The following SETBP1 variants were observed in gnomAD, a reference collection of about 807,000 sequenced individuals.
The protein encoded by SETBP1 is SET-binding protein.
A neutral mutation model predicts 101.0 loss-of-function variants in SETBP1; 9 were observed. The ratio of observed to expected loss-of-function variants is 0.09; its 90% CI spans 0.05 to 0.16. The LOEUF (loss-of-function observed/expected upper bound fraction) is 0.16. SETBP1 is among the 10% of genes least tolerant of loss of function. The pLI, the probability that SETBP1 is intolerant of heterozygous loss-of-function variation, is 1.00. For synonymous variants in SETBP1, 818 were observed against 788.5 expected (o/e 1.04, Z -0.63); for missense variants, 1,858 against 2,033.8 (o/e 0.91, Z 1.66).
chr18:44,837,630 C>T lies in SETBP1; in HGVS notation c.487-31600C>T, dbSNP rs2072525731. Among the ~76,000 whole-genome samples, 5 of 152,240 alleles carry T rather than the reference C, an allele frequency of 3.3e-5. 1 individual carries two copies. The South Asian group carries it at 6.2e-4, about 19-fold the overall frequency. On this transcript the variant is annotated intron_variant, in intron 2 of 5. Coordinates refer to ENST00000649279, the MANE Select transcript of SETBP1 (RefSeq NM_015559.3). ...ACTGGAAAATGCAGGTGTTTTGCCT[C>T]AGCCTAAGAGGCGATGCGGTCCATT...
chr18:44,895,481 G>C (rs1186274209), intron 3 of SETBP1, among the ~76,000 whole-genome samples: 1 of 152,072 alleles, frequency 6.6e-6, no homozygotes, highest in African/African-American at 2.4e-5. Flanking sequence ...TAGTCAAGTG[G>C]TATTCAGTCT....
rs866884944 is a variant in SETBP1 at position 44,684,707 on chromosome 18, C to T, written c.-173+3686C>T. 4.6e-5 allele frequency among the ~76,000 whole-genome samples: 7 copies of T among 151,440 alleles called. 1 individual carries two copies. The Middle Eastern group carries it at 0.021, about 451-fold the overall frequency. On this transcript the variant is annotated intron_variant, in intron 1 of 5. Coordinates refer to ENST00000649279, the MANE Select transcript of SETBP1 (RefSeq NM_015559.3). ...TGTTGCCCAGGCTGGAGTGCAGTGG[C>T]GTGATCTTGGCTCACTGCAACCTCT...
In SETBP1 at chr18:44,999,043, T is replaced by G. The variant is rs117782434; in HGVS notation, c.4001-39442T>G. On this transcript the variant is annotated intron_variant, in intron 4 of 5. Coordinates refer to ENST00000649279, the MANE Select transcript of SETBP1 (RefSeq NM_015559.3). The stretch of plus-strand genomic sequence containing the variant: ...AACAGAAAACAATCCTGATCATCCT[T>G]CTGGCCTCAACTAATGCCTCATTCT... 3.8e-3 allele frequency among the ~76,000 whole-genome samples: 576 copies of G among 152,336 alleles called. 6 individuals are homozygous for G. Among genetic ancestry groups the G allele is most frequent in the Non-Finnish European group, 4.9e-3 (336 of 68,018 alleles).
At chr18:45,027,680 G>T (rs1028524812) in intron 4 of SETBP1, among the ~76,000 whole-genome samples, 5 of 152,140 alleles carry the variant, frequency 3.3e-5, no homozygotes, top group African/African-American at 4.8e-5. Context: ...ACACAATTGA[G>T]TGTTTACTAT....
Position 44,739,365 on chromosome 18 carries a change from C to G in SETBP1, c.486+37533C>G, listed in dbSNP as rs535089679. Among the ~76,000 whole-genome samples, 3 of 152,272 alleles carry G rather than the reference C, an allele frequency of 2.0e-5. No individual in the cohort carries two copies. The East Asian group carries it at 5.8e-4, about 29-fold the overall frequency. ...GTGCTAATAACTTGGATTAATAAAA[C>G]ATTAACAAACAACTTTACCTTGCCT... On this transcript the variant is annotated intron_variant, in intron 2 of 5. Coordinates refer to ENST00000649279, the MANE Select transcript of SETBP1 (RefSeq NM_015559.3).
At chr18:44,912,778 C>A (rs2070343253) in intron 3 of SETBP1, among the ~76,000 whole-genome samples, 1 of 152,178 alleles carries the variant, frequency 6.6e-6, no homozygotes, top group Non-Finnish European at 1.5e-5. Context: ...CCTCTGTGCA[C>A]CATCGTGTAC....
chr18:44,892,686 T>C (rs181523343), intron 3 of SETBP1, among the ~76,000 whole-genome samples: 28 of 152,256 alleles, frequency 1.8e-4, no homozygotes, highest in South Asian at 8.3e-4. Context: ...CAAATATATT[T>C]TATTGAAACT....
chr18:44,747,299 A>G (rs1375990337), intron 2 of SETBP1, among the ~76,000 whole-genome samples: 2 of 152,250 alleles, frequency 1.3e-5, no homozygotes, highest in Admixed American at 6.5e-5. Flanking sequence ...TATTTAGAAC[A>G]ACTATAGGCT....
intron 2 of SETBP1, among the ~76,000 whole-genome samples, chr18:44,836,981 T>C (rs2144499881): frequency 6.6e-6 from 1 of 152,352 alleles, no homozygotes; most frequent in East Asian, 1.9e-4. Flanking sequence ...TTTCCACTTC[T>C]TCTTTAAGAA....
At position 44,955,078 on chromosome 18, in the gene SETBP1, G is replaced by T. The variant is rs1305275076; in HGVS notation, c.4000+1738G>T. ...GCAAGACCTCAAGAAGCTAAAACCA[G>T]ACGTTGTTGCATGTTAGGTTTCTCA... On this transcript the variant is annotated intron_variant, in intron 4 of 5. Transcript: ENST00000649279. Among the ~76,000 whole-genome samples, 3 of 152,172 alleles carry T rather than the reference G, an allele frequency of 2.0e-5. No individual in the cohort carries two copies. The East Asian group carries it at 5.8e-4, about 29-fold the overall frequency.
At chr18:44,854,806 A>G (rs912650185) in intron 2 of SETBP1, among the ~76,000 whole-genome samples, 1 of 152,134 alleles carries the variant, frequency 6.6e-6, no homozygotes, top group African/African-American at 2.4e-5. Flanking sequence ...CATATCTCTC[A>G]GAGTCATTCA....
At chr18:44,966,884 C>A (rs2071732189) in intron 4 of SETBP1, among the ~76,000 whole-genome samples, 1 of 152,164 alleles carries the variant, frequency 6.6e-6, no homozygotes, top group Admixed American at 6.5e-5. Context: ...GCTGTTAATA[C>A]CCACCACACA....
intron 2 of SETBP1, among the ~76,000 whole-genome samples, chr18:44,830,992 T>C (rs1280311901): frequency 6.6e-6 from 1 of 152,220 alleles, no homozygotes; most frequent in Non-Finnish European, 1.5e-5. Flanking sequence ...TTGGAGAAAC[T>C]TAAATTCAAT....
At chr18:44,879,366 C>G (rs909878892) in intron 3 of SETBP1, among the ~76,000 whole-genome samples, 3 of 152,000 alleles carry the variant, frequency 2.0e-5, no homozygotes, top group Non-Finnish European at 2.9e-5. Flanking sequence ...CCAGAGTCAT[C>G]CTTAGTAGAG....
chr18:44,704,692 T>G (rs2069181951), intron 2 of SETBP1, among the ~76,000 whole-genome samples: 2 of 152,376 alleles, frequency 1.3e-5, no homozygotes, highest in East Asian at 3.9e-4. Flanking sequence ...GAGGGTGAGA[T>G]GTAGAAACCT....
intron 2 of SETBP1, among the ~76,000 whole-genome samples, chr18:44,818,300 C>T (rs1266384144): frequency 2.6e-5 from 4 of 152,094 alleles, no homozygotes; most frequent in Admixed American, 6.6e-5. Flanking sequence ...ATAAAATCAC[C>T]GAACCTTAAA....
chr18:44,686,801 G>A (rs1230625636), intron 1 of SETBP1, among the ~76,000 whole-genome samples: 1 of 152,006 alleles, frequency 6.6e-6, no homozygotes, highest in African/African-American at 2.4e-5. Context: ...TACCTTTCGG[G>A]GGTAATCACC....
chr18:44,791,157 A>G (rs535990313), intron 2 of SETBP1, among the ~76,000 whole-genome samples: 8 of 152,158 alleles, frequency 5.3e-5, no homozygotes, highest in Admixed American at 2.6e-4. Context: ...TCCAGGAGAT[A>G]TTTGGTAAAG....
chr18:44,723,307 C>A (rs1234122085), intron 2 of SETBP1, among the ~76,000 whole-genome samples: 1 of 152,136 alleles, frequency 6.6e-6, no homozygotes, highest in African/African-American at 2.4e-5. Context: ...TACTGTCAGG[C>A]GGTATTCTCC....
Sources: gnomAD v4.1 joint callset for allele counts (sites outside exome capture counted in the v4.1 genomes callset) on GRCh38, gnomAD v4.1.1 for gene constraint, MANE v1.5 for transcripts, NCBI Gene and HGNC (gene_info 2026-07-23, HGNC 2026-07-21) for gene names.